Variants in DYNC1H1 observed in about 807,000 individuals in gnomAD.
DYNC1H1 encodes cytoplasmic dynein 1 heavy chain 1.
A neutral mutation model predicts 527.1 loss-of-function variants in DYNC1H1; 51 were observed. That is an observed-to-expected ratio of 0.10 (90% confidence interval 0.08 to 0.12). The LOEUF is 0.12. DYNC1H1 is among the 10% of genes least tolerant of loss of function. The pLI is 1.00. For synonymous variants in DYNC1H1, 2,189 were observed against 2,278.8 expected, an observed-to-expected ratio of 0.96 and a Z score of 1.12; for missense variants, 2,771 against 5,971.8, an observed-to-expected ratio of 0.46 and a Z score of 17.66.
In DYNC1H1 at chr14:102,044,742, G is replaced by C; in HGVS notation, c.13006+44G>C. On this transcript the variant is annotated intron_variant, in intron 72 of 77. Transcript: ENST00000360184. The surrounding 1 kb of genome is among the most constrained non-coding windows in gnomAD (Gnocchi z 7.1). ...CCCCACACGCAGGGTGGGTGGCGAG[G>C]GTCCCCTCACGCGGGGTGGGTGGCG... is the stretch of plus-strand genomic sequence containing the variant. 1.4e-6 allele frequency: 2 copies of C among 1,397,414 alleles called. No individual in the cohort carries two copies. The highest frequency in any genetic ancestry group is 2.0e-6 in the Non-Finnish European group (2 of 1,020,330). The allele number at this position is 1,397,414 out of a possible 1,614,324, so 86.6% of individuals were successfully genotyped here. A position where few individuals can be genotyped will look rare whatever the true frequency, so the allele number is the denominator to read the frequency against.
In DYNC1H1 at chr14:102,016,331, T is replaced by C; in HGVS notation, c.7474-18T>C. On this transcript the variant is annotated intron_variant, in intron 36 of 77. Transcript: ENST00000360184. The surrounding 1 kb of genome is among the most constrained non-coding windows in gnomAD (Gnocchi z 7.3). The stretch of plus-strand genomic sequence containing the variant: ...TTGAAATTTTATAAAAATCAAAGTT[T>C]AATTCCCTTTTTAATAGCGATATCT... 6.2e-7 allele frequency: 1 copy of C among 1,614,156 alleles called. No individual in the cohort carries two copies. Among genetic ancestry groups the C allele is most frequent in the Non-Finnish European group, 8.5e-7 (1 of 1,180,014 alleles).
rs774296708 is a variant in DYNC1H1 at position 102,044,642 on chromosome 14, C to T, written c.12950C>T (p.Thr4317Met). ...GTGGAGTTGCTCCCCGACACCCAGA[C>T]GCCCTCCTGGCTGGGCCTGCCCAAC... The part of the protein sequence containing the change: ...QWVELLPDTQ[T>M]PSWLGLPNNA... Residue 4317 changes from threonine to methionine, a missense_variant, in exon 72 of 78, where the codon ACG becomes ATG. Thr to Met is a moderately conservative substitution (Grantham distance 81). Transcript: ENST00000360184. This position sits in a 1 kb window ranked among gnomAD's most constrained non-coding sequence, Gnocchi z 7.1. 5 of 1,614,138 alleles carry T rather than the reference C, an allele frequency of 3.1e-6. No individual in the cohort carries two copies. The highest frequency in any genetic ancestry group is 3.4e-6 in the Non-Finnish European group (4 of 1,180,024).
chr14:102,048,103 TG>T, intron 73 of DYNC1H1, 75 bp downstream of exon 73: 1 of 1,515,456 alleles, frequency 6.6e-7, no homozygotes. Context: ...CATTGTTCCA[TG>T]GACCATTGGT....
Position 102,040,373 on chromosome 14 carries a change from C to G in DYNC1H1, c.11828C>G (p.Ala3943Gly). Residue 3943 changes from alanine (A) to glycine (G), a missense_variant, in exon 63 of 78, where the codon GCG (alanine) becomes GGG (glycine). Transcript: ENST00000360184. Reference sequence around the variant, plus strand: ...GTGGTGAGGCTGAGCTGCCTTCCCGCGTTTAAGGACTTGATTGCAAAGGTT... The same window carrying G: ...GTGGTGAGGCTGAGCTGCCTTCCCGGGTTTAAGGACTTGATTGCAAAGGTT... ...EAVVRLSCLP[A>G]FKDLIAKVQA... 6.2e-7 allele frequency: 1 copy of G among 1,614,150 alleles called. No individual in the cohort carries two copies. Among genetic ancestry groups the G allele is most frequent in the Non-Finnish European group, 8.5e-7 (1 of 1,180,050 alleles).
intron 51 of DYNC1H1, 53 bp from the exon 52 acceptor site, chr14:102,032,219 T>C: frequency 6.2e-7 from 1 of 1,609,662 alleles, no homozygotes; most frequent in Non-Finnish European, 8.5e-7. Flanking sequence ...TCACCATGCT[T>C]TGCTCTATCT....
At chr14:102,013,248 CA>C (rs57229386) in intron 34 of DYNC1H1, among the ~76,000 whole-genome samples, 1,458 of 41,258 alleles carry the variant, frequency 0.035, 8 homozygotes, top group African/African-American at 0.11. Context: ...GACTCCGTCT[CA>C]AAAAAAAAAA....
Position 102,049,738 on chromosome 14 carries a change from C to T in DYNC1H1, c.13540C>T (p.Leu4514=). The change falls in exon 76 of 78, where the codon CTG becomes TTG. Residue 4514 remains leucine (L), a synonymous_variant. Coordinates refer to ENST00000360184, the MANE Select transcript of DYNC1H1 (RefSeq NM_001376.5). This position sits in a 1 kb window ranked among gnomAD's most constrained non-coding sequence, Gnocchi z 5.5. ...LKNIHVCLGG[L]FVPEAYITAT... is the part of the protein sequence containing the mutation. ...GAACATCCACGTGTGCCTGGGTGGC[C>T]TGTTCGTGCCTGAGGCGTACATCAC... 6.2e-7 allele frequency: 1 copy of T among 1,613,960 alleles called. No homozygotes were observed. The highest frequency in any genetic ancestry group is 8.5e-7 in the Non-Finnish European group (1 of 1,180,040).
chr14:101,978,599 T>C (rs2047828534), intron 2 of DYNC1H1, among the ~76,000 whole-genome samples: 1 of 152,224 alleles, frequency 6.6e-6, no homozygotes, highest in Admixed American at 6.5e-5. Context: ...AGTAGGTATA[T>C]AGAGTAGTAC....
chr14:102,052,981 G>T lies in DYNC1H1; in HGVS notation c.*2418G>T, dbSNP rs774484385. 6.6e-6 allele frequency: 1 copy of T among 152,122 alleles called. No individual in the cohort carries two copies. Among genetic ancestry groups the T allele is most frequent in the Non-Finnish European group, 1.5e-5 (1 of 68,018 alleles). 9.4% of individuals were successfully genotyped at this position (152,122 alleles called of 1,614,324 possible). On this transcript the variant is annotated 3_prime_UTR_variant, in exon 78 of 78. Transcript: ENST00000360184. ...AATGACTGGGGGTGTCTTCCGAATC[G>T]CCATCATAAAGATCTAAAAGCTGAG...
chr14:102,013,701 G>A (rs1004458454), intron 34 of DYNC1H1, among the ~76,000 whole-genome samples: 7 of 152,208 alleles, frequency 4.6e-5, no homozygotes, highest in East Asian at 1.9e-4. Context: ...GGACAGGAGC[G>A]ATGTTGCCTG....
rs1042518934 is a variant in DYNC1H1 at position 102,039,816 on chromosome 14, TTCTTTTATTTTC to T, written c.11690+98_11690+109del. ...ATGATCAGATACATGCTTTTATTAT[TTCTTTTATTTTC>T]TCTTTTATTTTCTTTATTTTATTTT... On this transcript the variant is annotated intron_variant, in intron 62 of 77. Transcript: ENST00000360184. This position sits in a 1 kb window ranked among gnomAD's most constrained non-coding sequence, Gnocchi z 7.0. 18 of 1,413,170 alleles carry T rather than the reference TTCTTTTATTTTC, an allele frequency of 1.3e-5. 1 individual carries two copies. The highest frequency in any genetic ancestry group is 7.6e-5 in the African/African-American group (5 of 65,538). The allele number at this position is 1,413,170 out of a possible 1,614,324, so 87.5% of individuals were successfully genotyped here.
rs760138102 is a variant in DYNC1H1 at position 102,012,156 on chromosome 14, G to A, written c.6857+43G>A. 4 of 1,612,836 alleles carry A rather than the reference G, an allele frequency of 2.5e-6. No homozygotes were observed. In the Admixed American group the frequency reaches 5.0e-5, roughly 20 times the overall value. On this transcript the variant is annotated intron_variant, in intron 33 of 77. Transcript: ENST00000360184. The surrounding 1 kb of genome is among the most constrained non-coding windows in gnomAD (Gnocchi z 4.9). ...TGTGTTTGTGTTCTCCTGGATATGG[G>A]CGCTAAGTACTTTGCTCTCACAAGA...
chr14:101,985,998 G>C lies in DYNC1H1; in HGVS notation c.1773G>C (p.Leu591=). Reference sequence around the variant, plus strand: ...GGATTTTCTCCAGGTTTAATGCACTGTTTGTCAGGCCTCACATCCGTGGGG... The same window carrying C: ...GGATTTTCTCCAGGTTTAATGCACTCTTTGTCAGGCCTCACATCCGTGGGG... ...MFRIFSRFNA[L]FVRPHIRGAI... Residue 591 remains leucine, a synonymous_variant, in exon 8 of 78, where the codon CTG becomes CTC. Transcript: ENST00000360184. The surrounding 1 kb of genome is among the most constrained non-coding windows in gnomAD (Gnocchi z 5.9). 1.9e-6 allele frequency: 3 copies of C among 1,614,222 alleles called. No homozygotes were observed. Among genetic ancestry groups the C allele is most frequent in the Non-Finnish European group, 2.5e-6 (3 of 1,180,038 alleles).
Position 102,017,251 on chromosome 14 carries a change from T to C in DYNC1H1, c.8012T>C (p.Met2671Thr), listed in dbSNP as rs2048334077. The C allele has an allele frequency of 1.9e-6, 3 of 1,614,252 alleles. No homozygotes were observed. Among genetic ancestry groups the C allele is most frequent in the South Asian group, 1.1e-5 (1 of 91,086 alleles). The change falls in exon 39 of 78, where the codon ATG (methionine) becomes ACG (threonine). Residue 2671 changes from methionine (M) to threonine (T), a missense_variant. By Grantham distance (81) the Met-to-Thr change is moderately conservative. Around this residue, in one of 32 missense-constraint regions of DYNC1H1, gnomAD observed 163 missense variants for 346.9 expected, o/e 0.47. Coordinates refer to ENST00000360184, the MANE Select transcript of DYNC1H1 (RefSeq NM_001376.5). The surrounding 1 kb of genome is among the most constrained non-coding windows in gnomAD (Gnocchi z 4.6). ...TGTGATGAAATCAACTTGCCAGATA[T>C]GGATAAATATGGGACCCAGAGGGTC... Reference protein sequence around the residue: ...LFCDEINLPDMDKYGTQRVIS... With the variant: ...LFCDEINLPDTDKYGTQRVIS...
In DYNC1H1 at chr14:102,000,976, T is replaced by C. The variant is rs1461177565; in HGVS notation, c.4097T>C (p.Leu1366Pro). The C allele has an allele frequency of 6.2e-7, 1 of 1,614,196 alleles. No individual in the cohort carries two copies. The highest frequency in any genetic ancestry group is 1.3e-5 in the African/African-American group (1 of 75,044). The stretch of plus-strand genomic sequence containing the variant: ...CAGCTTCGACAAAATTTGGATGCCC[T>C]CCTGAACCAGCTGAAAAGCTTCCCT... ...PRKLRQNLDA[L>P]LNQLKSFPAR... is the part of the protein sequence containing the mutation. The change falls in exon 19 of 78, where the codon CTC (leucine) becomes CCC (proline). Residue 1366 changes from leucine to proline, a missense_variant. Physicochemically the swap from Leu to Pro is moderately conservative, Grantham distance 98. Transcript: ENST00000360184.
Position 101,980,559 on chromosome 14 carries a change from T to C in DYNC1H1, c.961+9T>C, listed in dbSNP as rs1313560331. ...TTTTGACACTGACACAGGTAACAAC[T>C]AGAACTAATAATCTGATCAGTAAGT... is the stretch of plus-strand genomic sequence containing the variant. On this transcript the variant is annotated intron_variant, in intron 5 of 77. Transcript: ENST00000360184. The C allele has an allele frequency of 6.2e-7, 1 of 1,613,666 alleles. No individual in the cohort carries two copies. The highest frequency in any genetic ancestry group is 1.7e-5 in the Admixed American group (1 of 59,964).
chr14:102,049,337 CCT>C lies in DYNC1H1; in HGVS notation c.13373-102_13373-101del. The C allele has an allele frequency of 6.4e-7, 1 of 1,568,108 alleles. No individual in the cohort carries two copies. The highest frequency in any genetic ancestry group is 1.7e-5 in the Admixed American group (1 of 57,878). ...AGGCAGTAGGTGGAGCCGCCAGCCG[CCT>C]GTGTGGGCAGCCAGGATGCCTAGCA... On this transcript the variant is annotated intron_variant, in intron 74 of 77. Coordinates refer to ENST00000360184, the MANE Select transcript of DYNC1H1 (RefSeq NM_001376.5). The surrounding 1 kb of genome is among the most constrained non-coding windows in gnomAD (Gnocchi z 5.5).
At chr14:101,987,172 C>T (rs1189852257) in intron 8 of DYNC1H1, among the ~76,000 whole-genome samples, 3 of 152,236 alleles carry the variant, frequency 2.0e-5, no homozygotes, top group Non-Finnish European at 2.9e-5. Context: ...TAACAGAGCA[C>T]GTTTACTTCC....
At position 102,033,389 on chromosome 14, in the gene DYNC1H1, C is replaced by T; in HGVS notation, c.10318C>T (p.Leu3440=). The part of the protein sequence containing the change: ...ANEVEQMIRD[L]EASIARYKEE... ...CGAGGTGGAGCAGATGATCCGAGAC[C>T]TGGAAGCCAGCATCGCCCGCTACAA... The change falls in exon 54 of 78, where the codon CTG becomes TTG. Residue 3440 remains leucine, a synonymous_variant. Coordinates refer to ENST00000360184, the MANE Select transcript of DYNC1H1 (RefSeq NM_001376.5). This position sits in a 1 kb window ranked among gnomAD's most constrained non-coding sequence, Gnocchi z 5.6. The T allele has an allele frequency of 6.2e-7, 1 of 1,614,236 alleles. No homozygotes were observed. The highest frequency in any genetic ancestry group is 8.5e-7 in the Non-Finnish European group (1 of 1,180,056).
Sources: gnomAD v4.1 joint callset for allele counts (sites outside exome capture counted in the v4.1 genomes callset) on GRCh38, gnomAD v4.1.1 for gene constraint, gnomAD v4.1.1 regional missense constraint, Gnocchi (gnomAD v3.1) non-coding constraint, MANE v1.5 for transcripts, NCBI Gene and HGNC (gene_info 2026-07-23, HGNC 2026-07-21) for gene names.